The following KIF13B variants were observed in gnomAD, a reference collection of about 807,000 sequenced individuals.
KIF13B encodes kinesin family member 13B, also known as kinesin-like protein KIF13B.
KIF13B carries 127 observed loss-of-function variants against 222.0 expected under a neutral mutation model. The ratio of observed to expected loss-of-function variants is 0.57; its 90% CI spans 0.50 to 0.66. The LOEUF is 0.66. Among genes scored for constraint, KIF13B ranks in the 30% least tolerant of loss-of-function variants. The probability of loss-of-function intolerance (pLI) is 0.00; values close to 1 mark genes in which losing one functional copy is unlikely to be tolerated. For synonymous variants in KIF13B, 976 were observed against 919.0 expected, an observed-to-expected ratio of 1.06 and a Z score of -1.12; for missense variants, 2,173 against 2,379.0, an observed-to-expected ratio of 0.91 and a Z score of 1.80.
intron 37 of KIF13B, among the ~76,000 whole-genome samples, chr8:29,080,297 C>T (rs1807743821): frequency 2.8e-5 from 4 of 144,804 alleles, no homozygotes; most frequent in Admixed American, 1.4e-4. Flanking sequence ...GCCACTCACT[C>T]ACCCTGGGTG....
intron 6 of KIF13B, among the ~76,000 whole-genome samples, chr8:29,185,346 C>G (rs890255558): frequency 5.3e-5 from 8 of 152,174 alleles, no homozygotes; most frequent in African/African-American, 1.9e-4. Context: ...TTTGTAGGAG[C>G]CTCCTTCACA....
chr8:29,071,931 TCGGGGCGCTCCCGAC>T lies in KIF13B; in HGVS notation c.4892_4906del (p.Gly1631_Pro1635del). 1 of 1,417,946 alleles carries T rather than the reference TCGGGGCGCTCCCGAC, an allele frequency of 7.1e-7. No individual in the cohort carries two copies. Among genetic ancestry groups the T allele is most frequent in the East Asian group, 3.1e-5 (1 of 32,326 alleles). The allele number at this position is 1,417,946 out of a possible 1,614,324, so 87.8% of individuals were successfully genotyped here. ...GGAGCCGGGCGCCGGGGCCTCGAGGTCGGGGCGCTCCCGACCGGGGCTCACGAGCTGCTGGGGGCC... is the reference window on the plus strand; with the variant it reads ...GGAGCCGGGCGCCGGGGCCTCGAGGTCGGGGCTCACGAGCTGCTGGGGGCC... On this transcript the variant is annotated inframe_deletion, in exon 39 of 40. Coordinates refer to ENST00000524189, the MANE Select transcript of KIF13B (RefSeq NM_015254.4). This position sits in a 1 kb window ranked among gnomAD's most constrained non-coding sequence, Gnocchi z 4.9.
chr8:29,134,819 A>G (rs77996740), intron 21 of KIF13B, among the ~76,000 whole-genome samples: 28,867 of 151,972 alleles, frequency 0.19, 2,911 homozygotes, highest in Admixed American at 0.29. Flanking sequence ...AAGTGAAGTT[A>G]GTGAATGATG....
intron 37 of KIF13B, among the ~76,000 whole-genome samples, chr8:29,085,705 C>CCTTTTT (rs1243079346): frequency 5.1e-4 from 25 of 48,766 alleles, no homozygotes; most frequent in African/African-American, 1.8e-3. Flanking sequence ...AAATACTCTT[C>CCTTTTT]TTTTTTTTTT....
At chr8:29,263,370 C>A (rs1041123195), upstream of KIF13B, among the ~76,000 whole-genome samples, 4 of 152,238 alleles carry the variant, frequency 2.6e-5, no homozygotes, top group Non-Finnish European at 5.9e-5. Context: ...AGAGCTGATA[C>A]CTCTTCTGAA....
At chr8:29,199,574 C>CAAAAAAAAAAAAAAAAAAAAA (rs10579222) in intron 2 of KIF13B, among the ~76,000 whole-genome samples, 2 of 119,456 alleles carry the variant, frequency 1.7e-5, no homozygotes, top group African/African-American at 3.2e-5. Context: ...TTCCAAAATC[C>CAAAAAAAAAAAAAAAAAAAAA]AAAAAAAAAA....
At chr8:29,165,571 C>A in intron 12 of KIF13B, 91 bp downstream of exon 12, 1 of 761,924 alleles carries the variant, frequency 1.3e-6, no homozygotes. Context: ...ATCAGCCAAG[C>A]TGAAGATCAA....
At chr8:29,141,251 T>G (rs1489209400) in intron 19 of KIF13B, among the ~76,000 whole-genome samples, 1 of 151,530 alleles carries the variant, frequency 6.6e-6, no homozygotes, top group Non-Finnish European at 1.5e-5. Context: ...GGAAAATCAC[T>G]TGAACCCAGG....
chr8:29,206,261 T>C (rs1440124882), intron 2 of KIF13B, among the ~76,000 whole-genome samples: 1 of 152,072 alleles, frequency 6.6e-6, no homozygotes, highest in African/African-American at 2.4e-5. Flanking sequence ...CTTGTCTCTA[T>C]GAAAAAATTG....
intron 13 of KIF13B, among the ~76,000 whole-genome samples, chr8:29,156,467 T>A (rs1811530168): frequency 6.6e-6 from 1 of 152,130 alleles, no homozygotes; most frequent in African/African-American, 2.4e-5. Flanking sequence ...GTTCCGTTTT[T>A]TTCCCCACCT....
intron 10 of KIF13B, among the ~76,000 whole-genome samples, chr8:29,168,351 G>C (rs1448303830): frequency 6.6e-6 from 1 of 152,238 alleles, no homozygotes; most frequent in Non-Finnish European, 1.5e-5. Flanking sequence ...TTTAACTCAA[G>C]CACAAAAGAA....
At chr8:29,224,595 C>A (rs150969258) in intron 2 of KIF13B, among the ~76,000 whole-genome samples, 2 of 152,196 alleles carry the variant, frequency 1.3e-5, no homozygotes, top group East Asian at 3.9e-4. Flanking sequence ...TTGAAGGAAT[C>A]GCTAAATTTC....
intron 37 of KIF13B, among the ~76,000 whole-genome samples, chr8:29,081,727 T>C (rs1387714295): frequency 6.6e-6 from 1 of 152,216 alleles, no homozygotes; most frequent in African/African-American, 2.4e-5. Flanking sequence ...TACTAGGAAA[T>C]TGTAACTTGC....
chr8:29,132,430 C>T lies in KIF13B; in HGVS notation c.2820G>A (p.Glu940=). ...TTGCCAATGCTCCTTCGGAAAGATG[C>T]TCGATAAAGTCTTCGGTGATGTTAA... ...FSVNITEDFI[E]HLSEGALAIE... Residue 940 remains glutamate (E), a synonymous_variant, in exon 23 of 40, where the codon GAG becomes GAA. Transcript: ENST00000524189. 6.4e-7 allele frequency: 1 copy of T among 1,568,104 alleles called. No homozygotes were observed. The highest frequency in any genetic ancestry group is 8.7e-7 in the Non-Finnish European group (1 of 1,155,876).
intron 2 of KIF13B, among the ~76,000 whole-genome samples, chr8:29,235,630 T>C (rs527727770): frequency 9.6e-5 from 14 of 146,328 alleles, no homozygotes; most frequent in Admixed American, 9.5e-4. Context: ...GGGAAGGGAG[T>C]TTTCAAAATA....
rs542679083 is a variant in KIF13B at position 29,241,396 on chromosome 8, A to G, written c.149+3950T>C. Among the ~76,000 whole-genome samples, 56 of 152,358 alleles carry G rather than the reference A, an allele frequency of 3.7e-4. 1 individual carries two copies. Among genetic ancestry groups the G allele is most frequent in the African/African-American group, 1.3e-3 (55 of 41,590 alleles). On this transcript the variant is annotated intron_variant, in intron 2 of 39. Transcript: ENST00000524189. ...GGGTGGATTGTATTGTCTTACTATT[A>G]TATCTCAATAAATCTTTTAAAAAAT...
Position 29,070,057 on chromosome 8 carries a change from G to A in KIF13B, c.*447C>T, listed in dbSNP as rs1172815686. ...GCTGGGGGGCTTGCGGAGTGAGCCA[G>A]GACATCCTGGGTGGGTGGGGGGGCT... On this transcript the variant is annotated 3_prime_UTR_variant, in exon 40 of 40. Transcript: ENST00000524189. This position sits in a 1 kb window ranked among gnomAD's most constrained non-coding sequence, Gnocchi z 4.1. 7.2e-6 allele frequency: 1 copy of A among 139,762 alleles called. No individual in the cohort carries two copies. The highest frequency in any genetic ancestry group is 1.4e-5 in the Non-Finnish European group (1 of 71,778). The allele number at this position is 139,762 out of a possible 1,614,324, so 8.7% of individuals were successfully genotyped here.
intron 2 of KIF13B, among the ~76,000 whole-genome samples, chr8:29,216,330 C>T (rs1814477170): frequency 6.6e-6 from 1 of 152,184 alleles, no homozygotes; most frequent in Non-Finnish European, 1.5e-5. Context: ...GGCGCAGTGG[C>T]TGATGCCTGT....
chr8:29,140,112 G>C lies in KIF13B; in HGVS notation c.2564C>G (p.Ala855Gly). The C allele has an allele frequency of 6.2e-7, 1 of 1,611,568 alleles. No homozygotes were observed. Among genetic ancestry groups the C allele is most frequent in the South Asian group, 1.1e-5 (1 of 90,470 alleles). Reference protein sequence around the residue: ...GERIAGGDEVAEVSFEKETQE... With the variant: ...GERIAGGDEVGEVSFEKETQE... ...GGTCTCCTTCTCAAAGGAGACCTCT[G>C]CCACCTCATCGCCTCCTGCGATCCT... The change falls in exon 21 of 40, where the codon GCA becomes GGA. Residue 855 changes from alanine (A) to glycine (G), a missense_variant. Coordinates refer to ENST00000524189, the MANE Select transcript of KIF13B (RefSeq NM_015254.4).
Sources: gnomAD v4.1 joint callset for allele counts (sites outside exome capture counted in the v4.1 genomes callset) on GRCh38, gnomAD v4.1.1 for gene constraint, Gnocchi (gnomAD v3.1) non-coding constraint, MANE v1.5 for transcripts, NCBI Gene and HGNC (gene_info 2026-07-23, HGNC 2026-07-21) for gene names.